Variants in RECQL5 observed in about 807,000 individuals in gnomAD.
RECQL5 encodes the protein RecQ like helicase 5.
A neutral mutation model predicts 103.4 loss-of-function variants in RECQL5; 88 were observed. The ratio of observed to expected loss-of-function variants is 0.85; its 90% CI spans 0.72 to 1.02. RECQL5 has a LOEUF of 1.02. Among genes scored for constraint, RECQL5 ranks in the 50% least tolerant of loss-of-function variants. The pLI, the probability that RECQL5 is intolerant of heterozygous loss-of-function variation, is 0.00. For synonymous variants in RECQL5, 552 were observed against 507.9 expected (o/e 1.09, Z -1.17); for missense variants, 1,232 against 1,284.3 (o/e 0.96, Z 0.62).
In RECQL5 at chr17:75,627,515, T is replaced by G; in HGVS notation, c.2883A>C (p.Glu961Asp). The part of the protein sequence containing the change: ...QKTSPGRSVK[E>D]EAQNLIRHFF... ...AGTGCCTGATGAGGTTCTGGGCCTC[T>G]TCTTTCACTACAGATTCAGGGTGGG... Residue 961 changes from glutamate (E) to aspartate (D), a missense_variant, in exon 20 of 20, where the codon GAA becomes GAC. Physicochemically the swap from Glu to Asp is conservative, Grantham distance 45 (BLOSUM62 2). Transcript: ENST00000317905. The G allele has an allele frequency of 6.2e-7, 1 of 1,613,904 alleles. No individual in the cohort carries two copies. Among genetic ancestry groups the G allele is most frequent in the South Asian group, 1.1e-5 (1 of 91,086 alleles).
chr17:75,650,447 C>T (rs1398361401), intron 8 of RECQL5: 16 of 1,336,674 alleles, frequency 1.2e-5, no homozygotes, highest in African/African-American at 1.5e-5. Context: ...AATCAGGAGA[C>T]GGGTGTTTAG....
At chr17:75,647,242 C>T (rs571693253) in intron 8 of RECQL5, 1 of 722,324 alleles carries the variant, frequency 1.4e-6, no homozygotes, top group East Asian at 2.7e-5. Context: ...TTCATGTCCC[C>T]TGGCTGCCAG....
intron 4 of RECQL5, among the ~76,000 whole-genome samples, chr17:75,662,155 C>T (rs1251032108): frequency 2.0e-5 from 3 of 152,016 alleles, no homozygotes; most frequent in Non-Finnish European, 4.4e-5. Flanking sequence ...GAGCAAAACT[C>T]CATCTCAAAA....
intron 8 of RECQL5, among the ~76,000 whole-genome samples, chr17:75,644,917 C>A (rs1269690177): frequency 1.3e-5 from 2 of 152,074 alleles, no homozygotes; most frequent in African/African-American, 4.8e-5. Flanking sequence ...CACCTAAGTT[C>A]TCTACACATC....
rs746220717 is a variant in RECQL5, at chr17:75,630,689, G to A, written c.1648C>T (p.Arg550Trp). The A allele has an allele frequency of 7.4e-6, 12 of 1,613,464 alleles. No homozygotes were observed. The highest frequency in any genetic ancestry group is 5.0e-5 in the Admixed American group (3 of 59,992). ...RRIPRLTVKA[R>W]EHCLRLLEEA... is the part of the protein sequence containing the mutation. ...TCCAGAAGCCGCAGGCAGTGCTCCCGTGCCTGGCACAGGACAGTGAGACTG... is the reference window on the plus strand; with the variant it reads ...TCCAGAAGCCGCAGGCAGTGCTCCCATGCCTGGCACAGGACAGTGAGACTG... Residue 550 changes from arginine (R) to tryptophan (W), a missense_variant, in exon 13 of 20, where the codon CGG becomes TGG. Coordinates refer to ENST00000317905, the MANE Select transcript of RECQL5 (RefSeq NM_004259.7).
At chr17:75,630,074 G>T (rs2059178051) in intron 14 of RECQL5, 110 bp downstream of exon 14, 3 of 1,007,754 alleles carry the variant, frequency 3.0e-6, no homozygotes, top group Admixed American at 5.6e-5. Flanking sequence ...GGGTGGGCTG[G>T]GGAGGGTGAG....
At chr17:75,663,301 A>G (rs773853704) in intron 3 of RECQL5, among the ~76,000 whole-genome samples, 3 of 152,194 alleles carry the variant, frequency 2.0e-5, no homozygotes, top group African/African-American at 4.8e-5. Flanking sequence ...TACCTTATAC[A>G]TATAGCCTAG....
intron 7 of RECQL5, among the ~76,000 whole-genome samples, chr17:75,657,323 T>C (rs573721125): frequency 1.4e-3 from 213 of 151,604 alleles, no homozygotes; most frequent in South Asian, 0.013. Flanking sequence ...AGTTCGAGGG[T>C]ATACTGTGCT....
At chr17:75,665,004 T>C (rs924303713) in intron 3 of RECQL5, 47 bp downstream of exon 3, 4 of 1,496,958 alleles carry the variant, frequency 2.7e-6, no homozygotes, top group Non-Finnish European at 3.5e-6. Flanking sequence ...TCAAAAAACC[T>C]TCCCCGAATC....
chr17:75,640,219 C>T lies in RECQL5; in HGVS notation c.1230-8551G>A, dbSNP rs758020883. Reference sequence around the variant, plus strand: ...AGCGCGGCATGGCTGCCACCGACTTCGTGCAGGAGATGCGCGCCGTGGGCG... The same window carrying T: ...AGCGCGGCATGGCTGCCACCGACTTTGTGCAGGAGATGCGCGCCGTGGGCG... On this transcript the variant is annotated intron_variant, in intron 8 of 19. Coordinates refer to ENST00000317905, the MANE Select transcript of RECQL5 (RefSeq NM_004259.7). This position sits in a 1 kb window ranked among gnomAD's most constrained non-coding sequence, Gnocchi z 4.6. The T allele has an allele frequency of 7.1e-5, 110 of 1,549,826 alleles. No homozygotes were observed. Among genetic ancestry groups the T allele is most frequent in the East Asian group, 3.2e-4 (13 of 40,900 alleles).
At chr17:75,657,173 A>G (rs1001008916) in intron 7 of RECQL5, among the ~76,000 whole-genome samples, 5 of 152,194 alleles carry the variant, frequency 3.3e-5, no homozygotes, top group African/African-American at 1.2e-4. Flanking sequence ...GTTTGAGACC[A>G]GCCTGGGTAA....
rs1407352646 is a variant in RECQL5 at position 75,640,051 on chromosome 17, G to A, written c.1230-8383C>T. On this transcript the variant is annotated intron_variant, in intron 8 of 19. Coordinates refer to ENST00000317905, the MANE Select transcript of RECQL5 (RefSeq NM_004259.7). This position sits in a 1 kb window ranked among gnomAD's most constrained non-coding sequence, Gnocchi z 4.6. Reference sequence around the variant, plus strand: ...GGAAGTCACCAGGGGTGCAATGTGTGAGACCTGACAAACTTGTTCTGCGGG... The same window carrying A: ...GGAAGTCACCAGGGGTGCAATGTGTAAGACCTGACAAACTTGTTCTGCGGG... 2.6e-6 allele frequency: 3 copies of A among 1,155,304 alleles called. No individual in the cohort carries two copies. Among genetic ancestry groups the A allele is most frequent in the Non-Finnish European group, 3.5e-6 (3 of 848,498 alleles). 71.6% of individuals were successfully genotyped at this position (1,155,304 alleles called of 1,614,324 possible).
chr17:75,666,785 T>C (rs1002784001), intron 1 of RECQL5: 3 of 544,306 alleles, frequency 5.5e-6, no homozygotes, highest in African/African-American at 1.9e-5. Context: ...AATGAAAACA[T>C]TGAACTATTC....
At position 75,661,144 on chromosome 17, in the gene RECQL5, T is replaced by C. The variant is rs898992930; in HGVS notation, c.875-78A>G. Reference sequence around the variant, plus strand: ...CGGGGGCCTATTTTGGGTTTGACACTGTGTGCTAGGCACTTCACAAACCCT... The same window carrying C: ...CGGGGGCCTATTTTGGGTTTGACACCGTGTGCTAGGCACTTCACAAACCCT... On this transcript the variant is annotated intron_variant, in intron 5 of 19. Transcript: ENST00000317905. The C allele has an allele frequency of 4.7e-6, 5 of 1,074,920 alleles. No individual in the cohort carries two copies. In the African/African-American group the frequency reaches 6.2e-5, roughly 13 times the overall value. The allele number at this position is 1,074,920 out of a possible 1,614,324, so 66.6% of individuals were successfully genotyped here. A position where few individuals can be genotyped will look rare whatever the true frequency, so the allele number is the denominator to read the frequency against.
At chr17:75,644,772 T>C (rs768714324) in intron 8 of RECQL5, among the ~76,000 whole-genome samples, 12 of 147,078 alleles carry the variant, frequency 8.2e-5, no homozygotes, top group Non-Finnish European at 1.3e-4. Flanking sequence ...GAGGTTGCAG[T>C]GAGCCAAGAT....
intron 3 of RECQL5, among the ~76,000 whole-genome samples, chr17:75,663,995 G>A (rs541009157): frequency 1.3e-5 from 2 of 149,696 alleles, no homozygotes; most frequent in East Asian, 2.0e-4. Flanking sequence ...CGGAGGTTGC[G>A]GTGAGCCGAG....
rs530974434 is a variant in RECQL5 at position 75,644,299 on chromosome 17, C to T, written c.1229+6887G>A. ...CAGCCTGAGCGACAGAGTGAGATTC[C>T]GTCTCAAGCAAACAAACAAAAAACA... On this transcript the variant is annotated intron_variant, in intron 8 of 19. Coordinates refer to ENST00000317905, the MANE Select transcript of RECQL5 (RefSeq NM_004259.7). Among the ~76,000 whole-genome samples, 101 of 150,748 alleles carry T rather than the reference C, an allele frequency of 6.7e-4. 1 individual carries two copies. The highest frequency in any genetic ancestry group is 1.8e-3 in the African/African-American group (74 of 41,032).
At position 75,666,434 on chromosome 17, in the gene RECQL5, C is replaced by T. The variant is rs546835346; in HGVS notation, c.124G>A (p.Val42Ile). ...PLQESATMAV[V>I]KGNKDVFVCM... ...GGTAGCTTGGTAATGTTACCTTTTACTACAGCCATGGTCGCACTCTCCTGT... is the reference window on the plus strand; with the variant it reads ...GGTAGCTTGGTAATGTTACCTTTTATTACAGCCATGGTCGCACTCTCCTGT... Residue 42 changes from valine (V) to isoleucine (I), a missense_variant, in exon 2 of 20, where the codon GTA becomes ATA. Val to Ile is a conservative substitution (Grantham distance 29). Coordinates refer to ENST00000317905, the MANE Select transcript of RECQL5 (RefSeq NM_004259.7). The T allele has an allele frequency of 6.3e-5, 101 of 1,613,890 alleles. 2 individuals carry two copies. The South Asian group carries it at 1.1e-3, about 17-fold the overall frequency.
intron 6 of RECQL5, among the ~76,000 whole-genome samples, chr17:75,660,412 T>C (rs2059683982): frequency 2.0e-5 from 3 of 152,330 alleles, no homozygotes; most frequent in African/African-American, 2.4e-5. Context: ...AATTTCATCA[T>C]TGTGCAAACA....
Sources: gnomAD v4.1 joint callset for allele counts (sites outside exome capture counted in the v4.1 genomes callset) on GRCh38, gnomAD v4.1.1 for gene constraint, Gnocchi (gnomAD v3.1) non-coding constraint, MANE v1.5 for transcripts, NCBI Gene and HGNC (gene_info 2026-07-23, HGNC 2026-07-21) for gene names.